The following RIPOR3 variants were observed in gnomAD, a reference collection of about 807,000 sequenced individuals.
The protein encoded by RIPOR3 is family with sequence similarity 65 member C.
Under a neutral mutation model 114.3 loss-of-function variants are expected in RIPOR3, and 95 were observed. The observed-to-expected ratio is 0.83, with a 90% CI of 0.70 to 0.99. RIPOR3 has a LOEUF of 0.99. Ranked by LOEUF, RIPOR3 falls within the 50% of genes least tolerant of loss-of-function variation. The probability of loss-of-function intolerance (pLI) is 0.00; values close to 1 mark genes in which losing one functional copy is unlikely to be tolerated. For synonymous variants in RIPOR3, 575 were observed against 543.8 expected, an observed-to-expected ratio of 1.06 and a Z score of -0.80; for missense variants, 1,252 against 1,266.9, an observed-to-expected ratio of 0.99 and a Z score of 0.18.
chr20:50,608,566 G>A, intron 10 of RIPOR3, 32 bp from the exon 11 acceptor site: 2 of 1,613,634 alleles, frequency 1.2e-6, no homozygotes. Flanking sequence ...TGGTGTCTGA[G>A]CCGAACACCC....
intron 1 of RIPOR3, among the ~76,000 whole-genome samples, chr20:50,668,611 C>T (rs1448475935): frequency 6.6e-6 from 1 of 152,180 alleles, no homozygotes; most frequent in African/African-American, 2.4e-5. Context: ...AATCCCAGCA[C>T]TTTGGGAGGT....
intron 1 of RIPOR3, among the ~76,000 whole-genome samples, chr20:50,678,868 C>A (rs879685434): frequency 6.6e-6 from 1 of 151,716 alleles, no homozygotes; most frequent in South Asian, 2.1e-4. Flanking sequence ...CTTTGGGAGG[C>A]CCAGGTGGGA....
At position 50,587,745 on chromosome 20, in the gene RIPOR3, C is replaced by A. The variant is rs1013419150; in HGVS notation, c.2752+57G>T. 1.9e-6 allele frequency: 3 copies of A among 1,557,900 alleles called. No homozygotes were observed. In the African/African-American group the frequency reaches 4.1e-5, roughly 21 times the overall value. ...TGGGAGAGCTGGGTGTGGCCTCTCG[C>A]AGATTCTAAGGGCCCCAGGCACCCC... is the stretch of plus-strand genomic sequence containing the variant. On this transcript the variant is annotated intron_variant, in intron 21 of 21. Transcript: ENST00000327979.
chr20:50,592,212 C>T (rs1385051725), intron 19 of RIPOR3, 132 bp downstream of exon 19: 25 of 866,032 alleles, frequency 2.9e-5, no homozygotes, highest in Non-Finnish European at 4.0e-5. Context: ...TAGCCCAGGT[C>T]CCTCCATCAA....
At chr20:50,655,031 G>A (rs771865224) in intron 1 of RIPOR3, among the ~76,000 whole-genome samples, 2 of 152,266 alleles carry the variant, frequency 1.3e-5, no homozygotes, top group African/African-American at 2.4e-5. Context: ...TTATGGGCGT[G>A]AGCCACTGCA....
At chr20:50,679,171 G>C (rs1420424567) in intron 1 of RIPOR3, among the ~76,000 whole-genome samples, 4 of 122,080 alleles carry the variant, frequency 3.3e-5, no homozygotes, top group East Asian at 2.4e-4. Context: ...CACACAGAGA[G>C]AGAGAGATAC....
At chr20:50,619,348 G>A (rs2084307048) in intron 3 of RIPOR3, among the ~76,000 whole-genome samples, 1 of 151,542 alleles carries the variant, frequency 6.6e-6, no homozygotes, top group African/African-American at 2.4e-5. Flanking sequence ...GGCTGAGGCA[G>A]GAGAATTGCT....
chr20:50,599,599 A>T (rs2083425596), intron 13 of RIPOR3, among the ~76,000 whole-genome samples: 1 of 152,128 alleles, frequency 6.6e-6, no homozygotes, highest in South Asian at 2.1e-4. Context: ...GTCAACAAAA[A>T]GCACAAAAAC....
chr20:50,689,733 G>T (rs1265480145), intron 1 of RIPOR3, among the ~76,000 whole-genome samples: 1 of 152,134 alleles, frequency 6.6e-6, no homozygotes, highest in Non-Finnish European at 1.5e-5. Context: ...GGGACTGGGG[G>T]GGCTTCTGGA....
intron 11 of RIPOR3, among the ~76,000 whole-genome samples, chr20:50,607,022 G>A (rs1445498714): frequency 6.6e-6 from 1 of 152,130 alleles, no homozygotes; most frequent in Non-Finnish European, 1.5e-5. Context: ...GAGCCACCGC[G>A]CCCAACCTGC....
At chr20:50,653,351 G>A (rs1173875522) in intron 1 of RIPOR3, 1 of 152,128 alleles carries the variant, frequency 6.6e-6, no homozygotes, top group Non-Finnish European at 1.5e-5. Context: ...GTTTCTTTCT[G>A]GGGTAAAACT....
intron 2 of RIPOR3, among the ~76,000 whole-genome samples, chr20:50,624,263 C>G (rs1458023141): frequency 6.6e-6 from 1 of 152,228 alleles, no homozygotes; most frequent in African/African-American, 2.4e-5. Flanking sequence ...AGTTTGCCAT[C>G]TTGAGGCTGG....
chr20:50,604,593 G>C, intron 12 of RIPOR3, 52 bp downstream of exon 12: 1 of 1,553,416 alleles, frequency 6.4e-7, no homozygotes, highest in Non-Finnish European at 8.7e-7. Context: ...CCTGCGTGCT[G>C]CCCCCATCCC....
intron 6 of RIPOR3, among the ~76,000 whole-genome samples, chr20:50,609,960 C>T (rs1357773632): frequency 6.8e-6 from 1 of 147,404 alleles, no homozygotes; most frequent in Non-Finnish European, 1.5e-5. Flanking sequence ...CCTGCCACCA[C>T]TGCCTCACCT....
intron 7 of RIPOR3, 85 bp downstream of exon 7, chr20:50,609,488 C>G (rs1271975649): frequency 1.4e-6 from 2 of 1,451,832 alleles, no homozygotes; most frequent in Non-Finnish European, 1.8e-6. Context: ...CTCCTCCAGC[C>G]CCCACTGGCC....
chr20:50,645,558 G>C (rs1361737012), intron 1 of RIPOR3: 1 of 152,370 alleles, frequency 6.6e-6, no homozygotes, highest in Non-Finnish European at 1.5e-5. Flanking sequence ...TGAGGCGCTA[G>C]GGCCATAGCC....
chr20:50,592,128 G>T (rs1158009236), intron 19 of RIPOR3, among the ~76,000 whole-genome samples: 1 of 152,198 alleles, frequency 6.6e-6, no homozygotes, highest in African/African-American at 2.4e-5. Context: ...CATTCAGCGT[G>T]CAAGTGACAT....
chr20:50,669,564 G>A (rs1026058051), intron 1 of RIPOR3, among the ~76,000 whole-genome samples: 25 of 152,316 alleles, frequency 1.6e-4, no homozygotes, highest in African/African-American at 5.3e-4. Flanking sequence ...GAGACAGTAG[G>A]TTTAGAAGTC....
At chr20:50,599,413 A>G (rs78999923) in intron 13 of RIPOR3, among the ~76,000 whole-genome samples, 1 of 152,034 alleles carries the variant, frequency 6.6e-6, no homozygotes, top group Admixed American at 6.6e-5. Flanking sequence ...GAAAAAAAAA[A>G]GCTATTTTTG....
Sources: allele counts gnomAD v4.1 joint callset (sites outside exome capture counted in the v4.1 genomes callset), GRCh38; gene constraint gnomAD v4.1.1; transcripts MANE v1.5; gene names NCBI Gene and HGNC (gene_info 2026-07-23, HGNC 2026-07-21).